Variants in ACOT12 observed in about 807,000 individuals in gnomAD.
ACOT12 encodes acetyl-coenzyme A thioesterase.
In ACOT12, 51 loss-of-function variants were observed where a neutral mutation model predicts 67.7. The observed-to-expected ratio is 0.75, with a 90% CI of 0.60 to 0.95. The LOEUF is 0.95. ACOT12 is among the 40% of genes least tolerant of loss of function. ACOT12 has a pLI of 0.00. For synonymous variants in ACOT12, 251 were observed against 244.6 expected, an observed-to-expected ratio of 1.03 and a Z score of -0.24; for missense variants, 734 against 708.1, an observed-to-expected ratio of 1.04 and a Z score of -0.41.
chr5:81,310,992 G>T, the ACOT12 span, among the ~76,000 whole-genome samples: 1 of 152,150 alleles, frequency 6.6e-6, no homozygotes, highest in African/African-American at 2.4e-5. Flanking sequence ...TCAAGGCCAG[G>T]TGCAAGAAGC....
the ACOT12 span, chr5:81,313,223 A>G: frequency 6.6e-6 from 1 of 152,210 alleles, no homozygotes; most frequent in Non-Finnish European, 1.5e-5. Context: ...CCATGTAACA[A>G]TCCCATTGGA....
intron 13 of ACOT12, among the ~76,000 whole-genome samples, chr5:81,331,686 A>G (rs1269159736): frequency 6.6e-6 from 1 of 152,242 alleles, no homozygotes; most frequent in Non-Finnish European, 1.5e-5. Flanking sequence ...ATTTTACTGT[A>G]TAGCCCTCTA....
rs1435191545 is a variant in ACOT12, at chr5:81,347,792, A to G, written c.635T>C (p.Val212Ala). 1 of 1,614,064 alleles carries G rather than the reference A, an allele frequency of 6.2e-7. No homozygotes were observed. Among genetic ancestry groups the G allele is most frequent in the Non-Finnish European group, 8.5e-7 (1 of 1,180,008 alleles). ...CAAGAACCTTGCAGAAATAGTAGCC[A>G]CTGTCTCCATCCACGCCATAATCTG... ...GGQIMAWMET[V>A]ATISASRLCW... Residue 212 changes from valine (V) to alanine (A), a missense_variant, in exon 6 of 15, where the codon GTG becomes GCG. By Grantham distance (64) the Val-to-Ala change is moderately conservative. Coordinates refer to ENST00000307624, the MANE Select transcript of ACOT12 (RefSeq NM_130767.3).
At chr5:81,310,157 T>TAAAA in the ACOT12 span, among the ~76,000 whole-genome samples, 4 of 104,758 alleles carry the variant, frequency 3.8e-5, no homozygotes, top group South Asian at 6.5e-4. Flanking sequence ...TGACTAGCTG[T>TAAAA]AAAAAAAAAA....
intron 1 of ACOT12, among the ~76,000 whole-genome samples, chr5:81,388,287 TTAAAC>T (rs1760782810): frequency 6.6e-6 from 1 of 152,180 alleles, no homozygotes; most frequent in Non-Finnish European, 1.5e-5. Flanking sequence ...TCAAGGGTCA[TTAAAC>T]TAAAAGGAAA....
At chr5:81,327,221 C>CAT (rs964914492), downstream of ACOT12, among the ~76,000 whole-genome samples, 6 of 149,744 alleles carry the variant, frequency 4.0e-5, 1 homozygote, top group African/African-American at 1.2e-4. Flanking sequence ...CACACACACA[C>CAT]ATATATATAC....
chr5:81,338,242 T>C (rs1224622481), intron 11 of ACOT12, among the ~76,000 whole-genome samples: 5 of 152,244 alleles, frequency 3.3e-5, no homozygotes, highest in Non-Finnish European at 4.4e-5. Context: ...ATTTATTTAT[T>C]TGTAACCAAC....
At chr5:81,320,316 T>C in the ACOT12 span, among the ~76,000 whole-genome samples, 1 of 152,166 alleles carries the variant, frequency 6.6e-6, no homozygotes, top group Non-Finnish European at 1.5e-5. Context: ...CTACTTACTA[T>C]GGGCAGTATG....
At position 81,379,825 on chromosome 5, in the gene ACOT12, C is replaced by G. The variant is rs56171219; in HGVS notation, c.197+5932G>C. Among the ~76,000 whole-genome samples the G allele has an allele frequency of 1.2e-3, 185 of 152,224 alleles. 1 individual carries two copies. The highest frequency in any genetic ancestry group is 4.2e-3 in the African/African-American group (176 of 41,526). On this transcript the variant is annotated intron_variant, in intron 2 of 14. Transcript: ENST00000307624. ...TCATGGCTCACTGGAGCCTTAAATT[C>G]CTGGGGTCAAGCGATCTTCCTGCGT...
chr5:81,360,815 C>G (rs1759881872), intron 4 of ACOT12, among the ~76,000 whole-genome samples: 1 of 152,134 alleles, frequency 6.6e-6, no homozygotes, highest in Admixed American at 6.5e-5. Flanking sequence ...AATCCCAGCA[C>G]TTTGTGGGGC....
chr5:81,346,875 G>A (rs1183634312), intron 6 of ACOT12, among the ~76,000 whole-genome samples: 1 of 152,172 alleles, frequency 6.6e-6, no homozygotes, highest in Admixed American at 6.5e-5. Context: ...TATGAAAATT[G>A]TCAGAAGGGC....
At position 81,358,382 on chromosome 5, in the gene ACOT12, C is replaced by G. The variant is rs776685682; in HGVS notation, c.496+1521G>C. On this transcript the variant is annotated intron_variant, in intron 5 of 14. Transcript: ENST00000307624. ...GGTTTTGTTTTTTATTAATGGTTGT[C>G]TCACCTGCCTCAGGGTGCCTCAGCA... Among the ~76,000 whole-genome samples the G allele has an allele frequency of 2.0e-5, 3 of 152,280 alleles. No homozygotes were observed. In the South Asian group the frequency reaches 6.2e-4, roughly 32 times the overall value.
chr5:81,329,366 C>A (rs186285127), downstream of ACOT12, among the ~76,000 whole-genome samples: 88 of 152,216 alleles, frequency 5.8e-4, 1 homozygote, highest in Non-Finnish European at 9.7e-4. Context: ...ACTCTTCTTA[C>A]GTATATAAAT....
intron 7 of ACOT12, 22 bp from the exon 8 acceptor site, chr5:81,345,063 G>T (rs375894849): frequency 2.5e-6 from 4 of 1,612,950 alleles, no homozygotes; most frequent in Admixed American, 3.3e-5. Flanking sequence ...GATGCAGGGC[G>T]GTGGGCAAAG....
At chr5:81,339,000 G>C (rs750942453) in intron 11 of ACOT12, among the ~76,000 whole-genome samples, 1 of 152,128 alleles carries the variant, frequency 6.6e-6, no homozygotes, top group Non-Finnish European at 1.5e-5. Flanking sequence ...AGAATCCCTG[G>C]AACCCAGGAG....
intron 2 of ACOT12, among the ~76,000 whole-genome samples, chr5:81,376,798 G>A (rs540322227): frequency 3.5e-4 from 53 of 152,196 alleles, no homozygotes; most frequent in Middle Eastern, 6.8e-3. Flanking sequence ...GGAAGAAGTC[G>A]AATCTCTGAA....
At chr5:81,366,248 C>G (rs1167089680) in intron 3 of ACOT12, among the ~76,000 whole-genome samples, 2 of 152,156 alleles carry the variant, frequency 1.3e-5, no homozygotes, top group Non-Finnish European at 2.9e-5. Context: ...AAGTCTGACA[C>G]TCTTTTTAAA....
At chr5:81,359,516 T>C (rs1759835125) in intron 5 of ACOT12, among the ~76,000 whole-genome samples, 1 of 152,208 alleles carries the variant, frequency 6.6e-6, no homozygotes, top group Non-Finnish European at 1.5e-5. Context: ...TTCTGCTCTG[T>C]TGAGATTACA....
intron 5 of ACOT12, among the ~76,000 whole-genome samples, chr5:81,353,735 C>T (rs760336951): frequency 5.9e-5 from 9 of 152,190 alleles, no homozygotes; most frequent in Non-Finnish European, 1.3e-4. Context: ...CATCTCTTTT[C>T]TTTTCTTCCG....
Sources: gnomAD v4.1 joint callset for allele counts (sites outside exome capture counted in the v4.1 genomes callset) on GRCh38, gnomAD v4.1.1 for gene constraint, MANE v1.5 for transcripts, NCBI Gene and HGNC (gene_info 2026-07-23, HGNC 2026-07-21) for gene names.